The following RAD51B variants were observed in gnomAD, a reference collection of about 807,000 sequenced individuals.
RAD51B encodes the protein DNA repair protein RAD51 homolog 2.
Under a neutral mutation model 42.2 loss-of-function variants are expected in RAD51B, and 38 were observed. The observed-to-expected ratio is 0.90, with a 90% confidence interval of 0.70 to 1.18. RAD51B has a LOEUF of 1.18. Ranked by LOEUF, RAD51B falls within the 50% of genes most tolerant of loss-of-function variation. The pLI, the probability that RAD51B is intolerant of heterozygous loss-of-function variation, is 0.00. For synonymous variants in RAD51B, 154 were observed against 145.2 expected (o/e 1.06, Z -0.43); for missense variants, 373 against 400.7 (o/e 0.93, Z 0.59).
At chr14:68,389,826 G>A (rs180820028) in intron 8 of RAD51B, among the ~76,000 whole-genome samples, 7 of 152,296 alleles carry the variant, frequency 4.6e-5, no homozygotes, top group East Asian at 3.9e-4. Context: ...TAAAGGTAGC[G>A]AACAAATGGA....
intron 7 of RAD51B, among the ~76,000 whole-genome samples, chr14:68,250,288 A>G (rs1407590510): frequency 6.6e-6 from 1 of 152,174 alleles, no homozygotes; most frequent in East Asian, 1.9e-4. Flanking sequence ...TGCTCTTAGC[A>G]CTGCAGCAAA....
intron 9 of RAD51B, among the ~76,000 whole-genome samples, chr14:68,443,515 C>G (rs975505451): frequency 1.3e-5 from 2 of 152,094 alleles, no homozygotes; most frequent in Admixed American, 1.3e-4. Context: ...CAGATGCTGA[C>G]AAATGAGAGG....
chr14:68,053,035 C>T (rs567003312), intron 7 of RAD51B, among the ~76,000 whole-genome samples: 10 of 152,106 alleles, frequency 6.6e-5, no homozygotes, highest in East Asian at 1.9e-4. Context: ...ATTTAACCTA[C>T]GCAAACTTGA....
intron 7 of RAD51B, among the ~76,000 whole-genome samples, chr14:67,893,051 T>G (rs1414377618): frequency 3.3e-5 from 5 of 152,148 alleles, no homozygotes; most frequent in Admixed American, 3.3e-4. Context: ...TAGTAAATCA[T>G]TGAGCCAGAA....
At chr14:68,676,723 C>G (rs1893313957) in intron 11 of RAD51B, among the ~76,000 whole-genome samples, 1 of 152,236 alleles carries the variant, frequency 6.6e-6, no homozygotes, top group Non-Finnish European at 1.5e-5. Context: ...GGGAAGGCAT[C>G]CTTTGTCTTG....
chr14:67,834,967 A>C, intron 3 of RAD51B, 113 bp from the exon 4 acceptor site: 1 of 715,934 alleles, frequency 1.4e-6, no homozygotes, highest in Non-Finnish European at 2.4e-6. Flanking sequence ...AAATAATAGA[A>C]GGGAAAAGGA....
Position 68,174,415 on chromosome 14 carries a change from A to G in RAD51B, c.757-117469A>G, listed in dbSNP as rs557401633. Among the ~76,000 whole-genome samples, 3 of 152,178 alleles carry G rather than the reference A, an allele frequency of 2.0e-5. No individual in the cohort carries two copies. In the South Asian group the frequency reaches 6.2e-4, roughly 32 times the overall value. On this transcript the variant is annotated intron_variant, in intron 7 of 10. Transcript: ENST00000471583. ...GAAAAAAAAAGTGGTTATAAGAACC[A>G]TAGGAAAGAGAACAACATCATTTTG...
At chr14:68,604,973 T>C (rs5028394) in intron 10 of RAD51B, among the ~76,000 whole-genome samples, 87,096 of 152,042 alleles carry the variant, frequency 0.57, 26,407 homozygotes, top group East Asian at 0.73. Flanking sequence ...TTCATATAAC[T>C]GCTGGCATCA....
chr14:67,903,241 A>G (rs971182399), intron 7 of RAD51B, among the ~76,000 whole-genome samples: 1 of 152,118 alleles, frequency 6.6e-6, no homozygotes, highest in African/African-American at 2.4e-5. Flanking sequence ...GTTTATTTGT[A>G]CCAGCATTTT....
chr14:68,214,719 C>T (rs1047540473), intron 7 of RAD51B, among the ~76,000 whole-genome samples: 1 of 152,156 alleles, frequency 6.6e-6, no homozygotes, highest in Non-Finnish European at 1.5e-5. Flanking sequence ...AATTTATGCA[C>T]ATGGCACTTC....
intron 8 of RAD51B, among the ~76,000 whole-genome samples, chr14:68,378,764 T>C (rs886874270): frequency 1.3e-5 from 2 of 152,198 alleles, no homozygotes; most frequent in African/African-American, 4.8e-5. Context: ...GGGCTGACTA[T>C]ACTGCTTTTA....
At chr14:68,260,592 G>T (rs148335832) in intron 7 of RAD51B, among the ~76,000 whole-genome samples, 1 of 152,222 alleles carries the variant, frequency 6.6e-6, no homozygotes, top group East Asian at 1.9e-4. Flanking sequence ...AAACTAGGGG[G>T]ATCTTAGCAA....
Position 68,578,485 on chromosome 14 carries a change from T to C in RAD51B, c.1037-16000T>C, listed in dbSNP as rs575408235. The stretch of plus-strand genomic sequence containing the variant: ...GGATGATATGACATGGCAGCTTTCA[T>C]GGAGGTTTCAGAATCTGCCGGCCCA... On this transcript the variant is annotated intron_variant, in intron 10 of 10. Coordinates refer to the RAD51B transcript ENST00000487270. 2.0e-5 allele frequency among the ~76,000 whole-genome samples: 3 copies of C among 152,246 alleles called. No homozygotes were observed. The East Asian group carries it at 5.8e-4, about 29-fold the overall frequency.
intron 8 of RAD51B, among the ~76,000 whole-genome samples, chr14:68,369,369 C>T (rs1181519210): frequency 1.3e-5 from 2 of 152,166 alleles, no homozygotes; most frequent in Non-Finnish European, 2.9e-5. Flanking sequence ...GCACAGATTG[C>T]GTCCACTGAG....
chr14:68,200,427 AT>A (rs1205341951), intron 7 of RAD51B, among the ~76,000 whole-genome samples: 1 of 152,224 alleles, frequency 6.6e-6, no homozygotes, highest in African/African-American at 2.4e-5. Context: ...CTAAAACTTC[AT>A]TTTAAAATTG....
chr14:67,933,218 G>A (rs941538250), intron 7 of RAD51B, among the ~76,000 whole-genome samples: 4 of 152,188 alleles, frequency 2.6e-5, no homozygotes, highest in African/African-American at 9.7e-5. Context: ...ATTCCCTGAG[G>A]AGTAGTGTTT....
At chr14:68,059,253 G>A (rs145765196) in intron 7 of RAD51B, among the ~76,000 whole-genome samples, 151 of 152,074 alleles carry the variant, frequency 9.9e-4, no homozygotes, top group Non-Finnish European at 1.4e-3. Context: ...CTAATCTTCC[G>A]TTAAAAAAAT....
chr14:67,997,181 T>C (rs2075399421), intron 7 of RAD51B, among the ~76,000 whole-genome samples: 1 of 152,116 alleles, frequency 6.6e-6, no homozygotes, highest in South Asian at 2.1e-4. Flanking sequence ...TTGGGAGTTG[T>C]ATGAAAATAC....
At chr14:68,563,808 T>C (rs1041232017) in intron 10 of RAD51B, 3 of 985,078 alleles carry the variant, frequency 3.0e-6, no homozygotes, top group South Asian at 4.7e-5. Context: ...AGCTCGGTAA[T>C]GAGCAGTCCT....
Sources: gnomAD v4.1 joint callset for allele counts (sites outside exome capture counted in the v4.1 genomes callset) on GRCh38, gnomAD v4.1.1 for gene constraint, MANE v1.5 for transcripts, NCBI Gene and HGNC (gene_info 2026-07-23, HGNC 2026-07-21) for gene names.